The following CDKN2B-AS1 variants were observed in gnomAD, a reference collection of about 807,000 sequenced individuals.
The protein encoded by CDKN2B-AS1 is CDKN2B and CDKN2A antisense cis and trans regulatory RNA 1, also known as CDKN2B antisense RNA 1 (non-protein coding).
chr9:22,096,065 T>G (rs1825265401), intron 4 of CDKN2B-AS1, among the ~76,000 whole-genome samples: 1 of 152,078 alleles, frequency 6.6e-6, no homozygotes, highest in Non-Finnish European at 1.5e-5. Context: ...GAGACATAAT[T>G]GAAATTCACT....
rs193302694 is a variant in CDKN2B-AS1, at chr9:22,088,998, C to A, written n.438+32611C>A. On this transcript the variant is annotated intron_variant and non_coding_transcript_variant, in intron 4 of 4. Coordinates refer to ENST00000650946, the Ensembl canonical transcript of CDKN2B-AS1. ...ACCTGCTTGTCCAGCCAAAGAGAAA[C>A]CCAAAGACTTGGCATTTGTTTTTTA... 4.0e-3 allele frequency among the ~76,000 whole-genome samples: 610 copies of A among 152,262 alleles called. 7 individuals carry two copies. Among genetic ancestry groups the A allele is most frequent in the African/African-American group, 0.014 (576 of 41,556 alleles).
chr9:22,044,519 T>C (rs1427020744), intron 1 of CDKN2B-AS1, among the ~76,000 whole-genome samples: 3 of 152,064 alleles, frequency 2.0e-5, no homozygotes, highest in Non-Finnish European at 2.9e-5. Context: ...TGAATTATAG[T>C]ACAGTGATTC....
At chr9:22,043,514 T>C (rs1325915919) in intron 1 of CDKN2B-AS1, among the ~76,000 whole-genome samples, 2 of 151,984 alleles carry the variant, frequency 1.3e-5, no homozygotes, top group East Asian at 1.9e-4. Flanking sequence ...ATGAAGACTA[T>C]GTGTCCTCAG....
chr9:22,070,433 A>G (rs1179554187), intron 4 of CDKN2B-AS1, among the ~76,000 whole-genome samples: 1 of 152,226 alleles, frequency 6.6e-6, no homozygotes. Flanking sequence ...AAAGTGACAC[A>G]TAGTCCAGTC....
At chr9:22,048,622 A>T (rs957516376) in intron 2 of CDKN2B-AS1, among the ~76,000 whole-genome samples, 2 of 151,964 alleles carry the variant, frequency 1.3e-5, no homozygotes, top group African/African-American at 2.4e-5. Context: ...TTGTTTTTCG[A>T]GTTTCATGGG....
chr9:22,079,265 C>A (rs933961217), intron 4 of CDKN2B-AS1, among the ~76,000 whole-genome samples: 3 of 152,142 alleles, frequency 2.0e-5, no homozygotes, highest in African/African-American at 7.2e-5. Context: ...GGGAGGATCA[C>A]CTGAGGTCAG....
chr9:22,047,651 A>G (rs1823164647), intron 2 of CDKN2B-AS1, among the ~76,000 whole-genome samples: 1 of 152,236 alleles, frequency 6.6e-6, no homozygotes, highest in South Asian at 2.1e-4. Context: ...TGTTACACAT[A>G]TACATAACAA....
intron 4 of CDKN2B-AS1, among the ~76,000 whole-genome samples, chr9:22,076,185 T>C (rs1212029538): frequency 6.6e-6 from 1 of 152,092 alleles, no homozygotes; most frequent in African/African-American, 2.4e-5. Context: ...TCCCAAGTAG[T>C]TGGATTACAG....
At chr9:22,077,156 T>A (rs189225744) in intron 4 of CDKN2B-AS1, among the ~76,000 whole-genome samples, 14 of 152,276 alleles carry the variant, frequency 9.2e-5, no homozygotes, top group Admixed American at 7.8e-4. Flanking sequence ...ATTTGACTTT[T>A]AAAAAAATTC....
chr9:22,111,671 C>G (rs963866071), intron 4 of CDKN2B-AS1, among the ~76,000 whole-genome samples: 10 of 152,068 alleles, frequency 6.6e-5, no homozygotes, highest in African/African-American at 2.4e-4. Context: ...CTCTCTTTAG[C>G]CTACCAAATC....
chr9:22,066,844 A>G (rs182812585), intron 4 of CDKN2B-AS1, among the ~76,000 whole-genome samples: 1 of 152,214 alleles, frequency 6.6e-6, no homozygotes, highest in East Asian at 2.0e-4. Flanking sequence ...GACTGGATTA[A>G]GAAAATGTGG....
intron 1 of CDKN2B-AS1, among the ~76,000 whole-genome samples, chr9:22,021,826 T>A (rs1002605682): frequency 6.6e-6 from 1 of 152,154 alleles, no homozygotes; most frequent in Non-Finnish European, 1.5e-5. Flanking sequence ...TTCAATACTA[T>A]GTTGAATAGA....
chr9:22,074,727 TC>T (rs909263588), intron 4 of CDKN2B-AS1, among the ~76,000 whole-genome samples: 34 of 152,196 alleles, frequency 2.2e-4, no homozygotes, highest in Non-Finnish European at 7.3e-5. Flanking sequence ...CCACTACCTC[TC>T]CTGGGCACTG....
chr9:22,006,396 G>GT lies in CDKN2B-AS1; in HGVS notation n.29+11238dup. On this transcript the variant is annotated intron_variant and non_coding_transcript_variant, in intron 1 of 4. Coordinates refer to ENST00000650946, the Ensembl canonical transcript of CDKN2B-AS1. This position sits in a 1 kb window ranked among gnomAD's most constrained non-coding sequence, Gnocchi z 6.4. ...GGTGTTCAGGTCTCTGATGTCTGGT[G>GT]TTTCTTCATTTGCTGATGCAATCCA... is the stretch of plus-strand genomic sequence containing the variant. 1 of 1,091,848 alleles carries GT rather than the reference G, an allele frequency of 9.2e-7. No individual in the cohort carries two copies. The highest frequency in any genetic ancestry group is 1.3e-6 in the Non-Finnish European group (1 of 752,178). 67.6% of individuals were successfully genotyped at this position (1,091,848 alleles called of 1,614,324 possible). A position where few individuals can be genotyped will look rare whatever the true frequency, so the allele number is the denominator to read the frequency against.
intron 4 of CDKN2B-AS1, among the ~76,000 whole-genome samples, chr9:22,084,177 C>T (rs531067367): frequency 1.3e-5 from 2 of 152,110 alleles, no homozygotes; most frequent in Non-Finnish European, 2.9e-5. Context: ...ATGTAACACA[C>T]CCAAGGTAAT....
chr9:22,030,436 T>G (rs999336373), intron 1 of CDKN2B-AS1: 1 of 152,204 alleles, frequency 6.6e-6, no homozygotes, highest in Non-Finnish European at 1.5e-5. Context: ...ATCTGGGTAT[T>G]TGACAATAAA....
intron 1 of CDKN2B-AS1, among the ~76,000 whole-genome samples, chr9:22,027,819 G>C (rs976102225): frequency 6.6e-6 from 1 of 151,966 alleles, no homozygotes; most frequent in Non-Finnish European, 1.5e-5. Flanking sequence ...AAATAATATT[G>C]ATGCTGTAAG....
chr9:22,104,733 A>G (rs1005232433), intron 4 of CDKN2B-AS1, among the ~76,000 whole-genome samples: 1 of 152,184 alleles, frequency 6.6e-6, no homozygotes, highest in Non-Finnish European at 1.5e-5. Flanking sequence ...TGTGTTTTGC[A>G]TATTCTAGGT....
rs1233451772 is a variant in CDKN2B-AS1 at position 22,076,849 on chromosome 9, C to T, written n.438+20462C>T. 2.0e-5 allele frequency among the ~76,000 whole-genome samples: 3 copies of T among 152,202 alleles called. No individual in the cohort carries two copies. In the East Asian group the frequency reaches 5.8e-4, roughly 29 times the overall value. On this transcript the variant is annotated intron_variant and non_coding_transcript_variant, in intron 4 of 4. Coordinates refer to ENST00000650946, the Ensembl canonical transcript of CDKN2B-AS1. ...CTGGGACTACAGGCACGGGCCACCA[C>T]ATTTGGCTAATTTTTGTAGAGACAG...
Sources: gnomAD v4.1 joint callset for allele counts (sites outside exome capture counted in the v4.1 genomes callset) on GRCh38, gnomAD v4.1.1 for gene constraint, Gnocchi (gnomAD v3.1) non-coding constraint, MANE v1.5 for transcripts, NCBI Gene and HGNC (gene_info 2026-07-23, HGNC 2026-07-21) for gene names.